Variants in STXBP4 observed in about 807,000 individuals in gnomAD.
The protein encoded by STXBP4 is syntaxin binding protein 4.
Under a neutral mutation model 76.1 loss-of-function variants are expected in STXBP4, and 55 were observed. The observed-to-expected ratio is 0.72, with a 90% CI of 0.58 to 0.91. The LOEUF is 0.91. Ranked by LOEUF, STXBP4 falls within the 40% of genes least tolerant of loss-of-function variation. The pLI, the probability that STXBP4 is intolerant of heterozygous loss-of-function variation, is 0.00. For synonymous variants in STXBP4, 201 were observed against 220.2 expected (o/e 0.91, Z 0.77); for missense variants, 618 against 636.9 (o/e 0.97, Z 0.32).
chr17:55,187,738 G>C, the STXBP4 span, among the ~76,000 whole-genome samples: 1 of 152,198 alleles, frequency 6.6e-6, no homozygotes, highest in East Asian at 1.9e-4. Flanking sequence ...GGCTGTGAGG[G>C]AGATAAGCTC....
intron 12 of STXBP4, among the ~76,000 whole-genome samples, chr17:55,060,628 A>G (rs1033833035): frequency 2.0e-5 from 3 of 152,152 alleles, no homozygotes; most frequent in African/African-American, 7.2e-5. Context: ...AGCTACCAGA[A>G]TACCTACTCA....
the STXBP4 span, among the ~76,000 whole-genome samples, chr17:55,198,253 G>T: frequency 1.3e-5 from 2 of 152,190 alleles, no homozygotes; most frequent in Non-Finnish European, 2.9e-5. Flanking sequence ...ACAGAAATGG[G>T]GGACAGGTTT....
downstream of STXBP4, among the ~76,000 whole-genome samples, chr17:55,176,676 A>G (rs566628017): frequency 6.6e-6 from 1 of 152,246 alleles, no homozygotes; most frequent in South Asian, 2.1e-4. Flanking sequence ...GTAAAACATT[A>G]TTTCTAGGTG....
intron 11 of STXBP4, among the ~76,000 whole-genome samples, chr17:55,045,597 C>T (rs1352326902): frequency 6.6e-6 from 1 of 152,018 alleles, no homozygotes; most frequent in East Asian, 1.9e-4. Flanking sequence ...AATAAGACTT[C>T]CCTGAGGAGT....
intron 15 of STXBP4, among the ~76,000 whole-genome samples, chr17:55,079,100 G>A (rs1014161639): frequency 1.3e-5 from 2 of 152,146 alleles, no homozygotes; most frequent in African/African-American, 4.8e-5. Context: ...TCTCAACCCA[G>A]CAGGTTAGTT....
At position 55,065,990 on chromosome 17, in the gene STXBP4, C is replaced by T. The variant is rs567869848; in HGVS notation, c.1012-6910C>T. On this transcript the variant is annotated intron_variant, in intron 12 of 17. Coordinates refer to ENST00000376352, the MANE Select transcript of STXBP4 (RefSeq NM_178509.6). ...AACCAATCTTTCTTTGCAAAATGAG[C>T]ATGGATTTTACTTTATCATACAAAC... Among the ~76,000 whole-genome samples, 4 of 152,232 alleles carry T rather than the reference C, an allele frequency of 2.6e-5. No homozygotes were observed. In the South Asian group the frequency reaches 8.3e-4, roughly 32 times the overall value.
chr17:54,998,746 G>C (rs1050229000), intron 4 of STXBP4, among the ~76,000 whole-genome samples: 3 of 152,162 alleles, frequency 2.0e-5, no homozygotes, highest in Non-Finnish European at 2.9e-5. Context: ...AGCACTTTGG[G>C]AGGCCAAGGT....
At chr17:55,159,255 A>C (rs978713711) in intron 17 of STXBP4, among the ~76,000 whole-genome samples, 4 of 151,986 alleles carry the variant, frequency 2.6e-5, no homozygotes, top group South Asian at 2.1e-4. Context: ...CAAATACATA[A>C]ATAAATAAAT....
At chr17:55,179,777 T>C in the STXBP4 span, among the ~76,000 whole-genome samples, 1 of 152,224 alleles carries the variant, frequency 6.6e-6, no homozygotes, top group South Asian at 2.1e-4. Context: ...GTTGTAAGAA[T>C]ATAGTATAAA....
chr17:55,183,532 G>A, the STXBP4 span, among the ~76,000 whole-genome samples: 1 of 152,300 alleles, frequency 6.6e-6, no homozygotes, highest in Non-Finnish European at 1.5e-5. Flanking sequence ...AAATATATCA[G>A]CAATTGATTA....
chr17:55,203,128 G>A, the STXBP4 span, among the ~76,000 whole-genome samples: 2 of 152,038 alleles, frequency 1.3e-5, no homozygotes, highest in Non-Finnish European at 2.9e-5. Context: ...TTGCACATAT[G>A]GGTCTCTATT....
chr17:55,082,720 A>G (rs2079271809), intron 16 of STXBP4, among the ~76,000 whole-genome samples: 1 of 152,104 alleles, frequency 6.6e-6, no homozygotes, highest in African/African-American at 2.4e-5. Flanking sequence ...GGGAACCTCT[A>G]TTGTTGATCC....
intron 17 of STXBP4, among the ~76,000 whole-genome samples, chr17:55,155,510 AC>A (rs5821088): frequency 0.26 from 36,052 of 138,402 alleles, 4,439 homozygotes; most frequent in Middle Eastern, 0.41. Flanking sequence ...TACAATTATC[AC>A]CCCCCCCCCA....
intron 8 of STXBP4, among the ~76,000 whole-genome samples, chr17:55,008,796 G>T (rs2078053449): frequency 6.6e-6 from 1 of 152,074 alleles, no homozygotes; most frequent in Admixed American, 6.5e-5. Context: ...ACTTTTAGGG[G>T]AGGATCAGCT....
intron 16 of STXBP4, among the ~76,000 whole-genome samples, chr17:55,137,313 T>A (rs1333429686): frequency 7.3e-6 from 1 of 136,822 alleles, no homozygotes; most frequent in Non-Finnish European, 1.6e-5. Flanking sequence ...CCTTCTGCTC[T>A]GCTCAGCATG....
the STXBP4 span, among the ~76,000 whole-genome samples, chr17:55,184,592 T>C: frequency 6.6e-6 from 1 of 152,198 alleles, no homozygotes; most frequent in Non-Finnish European, 1.5e-5. Flanking sequence ...AAAAAACTCA[T>C]TGCAACATCA....
chr17:55,198,643 A>C, the STXBP4 span, among the ~76,000 whole-genome samples: 2 of 152,240 alleles, frequency 1.3e-5, no homozygotes, highest in African/African-American at 4.8e-5. Flanking sequence ...CATTAAATAT[A>C]ACGACTTTAA....
chr17:55,205,580 C>T, the STXBP4 span, among the ~76,000 whole-genome samples: 1 of 151,726 alleles, frequency 6.6e-6, no homozygotes, highest in Non-Finnish European at 1.5e-5. Flanking sequence ...CACACATATA[C>T]ACAAAGTGGG....
Position 55,167,154 on chromosome 17 carries a change from A to G in STXBP4, c.*7243A>G, listed in dbSNP as rs1205389334. The G allele has an allele frequency of 6.6e-6, 1 of 152,210 alleles. No homozygotes were observed. The highest frequency in any genetic ancestry group is 1.5e-5 in the Non-Finnish European group (1 of 68,040). 9.4% of individuals were successfully genotyped at this position (152,210 alleles called of 1,614,324 possible). On this transcript the variant is annotated 3_prime_UTR_variant, in exon 18 of 18. Coordinates refer to ENST00000376352, the MANE Select transcript of STXBP4 (RefSeq NM_178509.6). ...ATTGCTGCATACCTTTTAATAAAGT[A>G]TCAATCACACTATATATGTAATTAA...
Sources: gnomAD v4.1 joint callset for allele counts (sites outside exome capture counted in the v4.1 genomes callset) on GRCh38, gnomAD v4.1.1 for gene constraint, MANE v1.5 for transcripts, NCBI Gene and HGNC (gene_info 2026-07-23, HGNC 2026-07-21) for gene names.